Variants in SCAPER observed in about 807,000 individuals in gnomAD.
SCAPER encodes the protein S-phase cyclin A associated protein in the ER, also known as S phase cyclin A-associated protein in the endoplasmic reticulum.
Under a neutral mutation model 182.2 loss-of-function variants are expected in SCAPER, and 98 were observed. That is an observed-to-expected ratio of 0.54 (90% CI 0.46 to 0.64). The LOEUF (loss-of-function observed/expected upper bound fraction) is 0.64, where lower values mean the gene tolerates loss of function less well. SCAPER is among the 30% of genes least tolerant of loss of function. The probability of loss-of-function intolerance (pLI) is 0.00; values close to 1 mark genes in which losing one functional copy is unlikely to be tolerated. For missense variants in SCAPER, 1,432 were observed against 1,690.0 expected, an observed-to-expected ratio of 0.85 and a Z score of 2.68; for synonymous variants, 605 against 564.6, an observed-to-expected ratio of 1.07 and a Z score of -1.01.
intron 5 of SCAPER, among the ~76,000 whole-genome samples, chr15:76,840,423 A>G (rs2069362722): frequency 6.6e-6 from 1 of 152,066 alleles, no homozygotes; most frequent in Non-Finnish European, 1.5e-5. Context: ...GCCTCAAAAA[A>G]AAAAAAAAAA....
intron 8 of SCAPER, among the ~76,000 whole-genome samples, chr15:76,784,487 T>C (rs910794225): frequency 2.6e-5 from 4 of 152,104 alleles, no homozygotes; most frequent in African/African-American, 9.7e-5. Flanking sequence ...CTCAATGCCA[T>C]CCCCATCAAG....
chr15:76,373,536 G>C (rs2042333178), intron 29 of SCAPER, among the ~76,000 whole-genome samples: 1 of 152,154 alleles, frequency 6.6e-6, no homozygotes, highest in Non-Finnish European at 1.5e-5. Context: ...CCACAGAGAG[G>C]ACAGAGCATC....
In SCAPER at chr15:76,601,210, C is replaced by T. The variant is rs562391409; in HGVS notation, c.2711+20554G>A. On this transcript the variant is annotated intron_variant, in intron 22 of 31. Coordinates refer to ENST00000563290, the MANE Select transcript of SCAPER (RefSeq NM_020843.4). ...AACATTTTTTCTCCATCTAATGATA[C>T]GTATGTGAGTTTTCTTATTTAGCCT... 1.1e-4 allele frequency among the ~76,000 whole-genome samples: 13 copies of T among 121,162 alleles called. 1 individual carries two copies. The highest frequency in any genetic ancestry group is 2.8e-4 in the Admixed American group (3 of 10,620). 79.5% of individuals were successfully genotyped at this position (121,162 alleles called of 152,430 possible).
intron 23 of SCAPER, among the ~76,000 whole-genome samples, chr15:76,506,598 GA>G (rs765803767): frequency 6.6e-6 from 1 of 152,066 alleles, no homozygotes; most frequent in Non-Finnish European, 1.5e-5. Flanking sequence ...ACATGTAAAA[GA>G]AAGTGGGAAG....
At chr15:76,700,048 C>T (rs576427006) in intron 20 of SCAPER, among the ~76,000 whole-genome samples, 10 of 152,258 alleles carry the variant, frequency 6.6e-5, no homozygotes, top group East Asian at 5.8e-4. Context: ...GTAGGAGCTA[C>T]GGTGGCAGCC....
At position 76,813,147 on chromosome 15, in the gene SCAPER, A is replaced by G. The variant is rs143127021; in HGVS notation, c.394-8514T>C. 8.0e-5 allele frequency among the ~76,000 whole-genome samples: 12 copies of G among 150,446 alleles called. No individual in the cohort carries two copies. The East Asian group carries it at 1.4e-3, about 18-fold the overall frequency. ...TCAATGAGATACAACACATTAGCAC[A>G]ATGATAGGCAAGAAAGCATATAATC... On this transcript the variant is annotated intron_variant, in intron 5 of 31. Transcript: ENST00000563290.
chr15:76,549,195 G>A (rs1322657649), intron 23 of SCAPER, among the ~76,000 whole-genome samples: 1 of 152,166 alleles, frequency 6.6e-6, no homozygotes, highest in Non-Finnish European at 1.5e-5. Context: ...GGAAGTCAGT[G>A]TGGCGATTCC....
intron 24 of SCAPER, among the ~76,000 whole-genome samples, chr15:76,472,705 T>C (rs1339684999): frequency 2.6e-5 from 4 of 152,168 alleles, no homozygotes; most frequent in Non-Finnish European, 5.9e-5. Context: ...ACTGTTGTAT[T>C]GTGGGGAAGG....
chr15:76,608,340 T>C (rs2050647731), intron 22 of SCAPER, among the ~76,000 whole-genome samples: 1 of 152,194 alleles, frequency 6.6e-6, no homozygotes, highest in Non-Finnish European at 1.5e-5. Context: ...CGGATTTTGG[T>C]GAACCGCAAA....
intron 22 of SCAPER, among the ~76,000 whole-genome samples, chr15:76,587,111 C>A (rs545468502): frequency 6.6e-6 from 1 of 152,074 alleles, no homozygotes; most frequent in African/African-American, 2.4e-5. Context: ...GTTCATAGTA[C>A]CCTTGAATGA....
At chr15:76,541,434 C>G (rs2044744673) in intron 23 of SCAPER, among the ~76,000 whole-genome samples, 2 of 152,136 alleles carry the variant, frequency 1.3e-5, no homozygotes, top group Admixed American at 6.6e-5. Flanking sequence ...CCCTTCCCCC[C>G]ACACGATGGT....
chr15:76,843,665 A>T (rs2069713642), intron 4 of SCAPER, among the ~76,000 whole-genome samples: 1 of 152,204 alleles, frequency 6.6e-6, no homozygotes, highest in East Asian at 1.9e-4. Context: ...CACATCAAAT[A>T]ACAGAGGCTA....
intron 26 of SCAPER, among the ~76,000 whole-genome samples, chr15:76,406,076 T>C (rs1197579204): frequency 2.0e-5 from 3 of 152,126 alleles, no homozygotes; most frequent in Non-Finnish European, 4.4e-5. Context: ...AGGAAATTGA[T>C]AGACTGATAT....
intron 21 of SCAPER, among the ~76,000 whole-genome samples, chr15:76,651,173 G>A (rs1204808903): frequency 6.6e-6 from 1 of 151,500 alleles, no homozygotes; most frequent in Non-Finnish European, 1.5e-5. Context: ...AAATAAAAAC[G>A]AACAAACAAA....
At chr15:76,562,402 C>G (rs2046711067) in intron 23 of SCAPER, among the ~76,000 whole-genome samples, 1 of 151,974 alleles carries the variant, frequency 6.6e-6, no homozygotes, top group Non-Finnish European at 1.5e-5. Flanking sequence ...ATTTGAATAA[C>G]CTAGGACTAG....
chr15:76,700,436 G>A (rs2147246512), intron 20 of SCAPER, among the ~76,000 whole-genome samples: 1 of 152,324 alleles, frequency 6.6e-6, no homozygotes. Context: ...GGTGAGAGTG[G>A]ACCACTCCTT....
chr15:76,726,231 A>G lies in SCAPER; in HGVS notation c.2165+2364T>C, dbSNP rs185759512. 1.0e-4 allele frequency among the ~76,000 whole-genome samples: 15 copies of G among 148,702 alleles called. No individual in the cohort carries two copies. The East Asian group carries it at 2.6e-3, about 25-fold the overall frequency. On this transcript the variant is annotated intron_variant, in intron 17 of 31. Coordinates refer to ENST00000563290, the MANE Select transcript of SCAPER (RefSeq NM_020843.4). ...GGACCTAAGTGGTAACCTGTCCCCA[A>G]AAATATAAAGAAATGGCCAATAAGC...
At chr15:76,367,466 C>A (rs183746001) in intron 29 of SCAPER, among the ~76,000 whole-genome samples, 1 of 152,280 alleles carries the variant, frequency 6.6e-6, no homozygotes, top group East Asian at 1.9e-4. Context: ...TTCCTTCTGG[C>A]CTCATTTTCT....
rs572673250 is a variant in SCAPER, at chr15:76,783,692, T to C, written c.773-8575A>G. Among the ~76,000 whole-genome samples the C allele has an allele frequency of 9.9e-5, 15 of 152,134 alleles. 1 individual carries two copies. The highest frequency in any genetic ancestry group is 6.3e-3 in the Middle Eastern group (2 of 316). ...ACATCAAAAAGCTTATCCACCACCA[T>C]CAAGTTGGCTTCATCCCTGGGATGC... is the stretch of plus-strand genomic sequence containing the variant. On this transcript the variant is annotated intron_variant, in intron 8 of 31. Coordinates refer to ENST00000563290, the MANE Select transcript of SCAPER (RefSeq NM_020843.4).
Sources: gnomAD v4.1 joint callset for allele counts (sites outside exome capture counted in the v4.1 genomes callset) on GRCh38, gnomAD v4.1.1 for gene constraint, MANE v1.5 for transcripts, NCBI Gene and HGNC (gene_info 2026-07-23, HGNC 2026-07-21) for gene names.